VRK2: variants seen among roughly 807,000 people sequenced by gnomAD.
VRK2 encodes serine/threonine-protein kinase VRK2.
A neutral mutation model predicts 57.6 loss-of-function variants in VRK2; 60 were observed. The observed-to-expected ratio is 1.04, with a 90% CI of 0.85 to 1.29. The LOEUF is 1.29. Ranked by LOEUF, VRK2 falls within the 50% of genes most tolerant of loss-of-function variation. VRK2 has a pLI of 0.00. For missense variants in VRK2, 705 were observed against 588.1 expected, an observed-to-expected ratio of 1.20 and a Z score of -2.06; for synonymous variants, 231 against 199.2, an observed-to-expected ratio of 1.16 and a Z score of -1.35.
At chr2:58,146,496 G>GT (rs769606205) in intron 12 of VRK2, 22 bp downstream of exon 12, 96 of 1,593,014 alleles carry the variant, frequency 6.0e-5, no homozygotes, top group Non-Finnish European at 8.1e-5. Flanking sequence ...GTTTGTGTGT[G>GT]TTTTTTCTAA....
At chr2:58,121,724 GTAAA>G (rs1392048753) in intron 7 of VRK2, among the ~76,000 whole-genome samples, 1 of 152,148 alleles carries the variant, frequency 6.6e-6, no homozygotes, top group African/African-American at 2.4e-5. Flanking sequence ...AGATTGTATG[GTAAA>G]TACTCTATTG....
chr2:58,139,779 G>C lies in VRK2; in HGVS notation c.970G>C (p.Asp324His), dbSNP rs1294356946. Reference sequence around the variant, plus strand: ...TCATGGAATACCTTTAGGACCACTGGACTTTTCCACAAAAGGACAGAGTAT... The same window carrying C: ...TCATGGAATACCTTTAGGACCACTGCACTTTTCCACAAAAGGACAGAGTAT... The part of the protein sequence containing the change: ...NPHGIPLGPL[D>H]FSTKGQSINV... Residue 324 changes from aspartate to histidine, a missense_variant, in exon 11 of 13, where the codon GAC becomes CAC. Physicochemically the swap from Asp to His is moderately conservative, Grantham distance 81. Coordinates refer to ENST00000340157, the MANE Select transcript of VRK2 (RefSeq NM_006296.7). 1 of 1,612,908 alleles carries C rather than the reference G, an allele frequency of 6.2e-7. No homozygotes were observed.
chr2:57,987,393 A>C (rs940375763), intron 1 of VRK2, among the ~76,000 whole-genome samples: 1 of 152,232 alleles, frequency 6.6e-6, no homozygotes, highest in African/African-American at 2.4e-5. Context: ...GCAAATATGC[A>C]CATGAAAAGG....
intron 7 of VRK2, among the ~76,000 whole-genome samples, chr2:58,104,371 A>T (rs1674441441): frequency 6.6e-6 from 1 of 151,908 alleles, no homozygotes; most frequent in Non-Finnish European, 1.5e-5. Flanking sequence ...AAGTTTGAGG[A>T]TATAAAATCA....
intron 12 of VRK2, among the ~76,000 whole-genome samples, chr2:58,155,917 G>GTTTTTTTTT (rs1395049481): frequency 7.4e-6 from 1 of 134,390 alleles, no homozygotes. Context: ...TGTTTTTCAT[G>GTTTTTTTTT]TTTGTTTTTT....
intron 1 of VRK2, among the ~76,000 whole-genome samples, chr2:57,999,757 A>G (rs1488087306): frequency 2.0e-5 from 3 of 152,238 alleles, no homozygotes; most frequent in Non-Finnish European, 4.4e-5. Flanking sequence ...ACAAAGTTAC[A>G]TAAATCATAC....
chr2:58,038,029 C>A (rs1437610181), intron 3 of VRK2, among the ~76,000 whole-genome samples: 1 of 152,046 alleles, frequency 6.6e-6, no homozygotes, highest in Non-Finnish European at 1.5e-5. Context: ...AATATGACAC[C>A]CCAAAATATG....
chr2:58,035,285 G>A (rs1206835456), intron 3 of VRK2, among the ~76,000 whole-genome samples: 1 of 152,050 alleles, frequency 6.6e-6, no homozygotes, highest in African/African-American at 2.4e-5. Flanking sequence ...TTGGGAGCAG[G>A]GAGATAAAAA....
intron 8 of VRK2, among the ~76,000 whole-genome samples, chr2:58,125,889 T>C (rs538661921): frequency 6.6e-6 from 1 of 152,226 alleles, no homozygotes; most frequent in African/African-American, 2.4e-5. Context: ...TGTTCACTCC[T>C]ATGTTTTACA....
intron 7 of VRK2, among the ~76,000 whole-genome samples, chr2:58,120,375 G>T (rs1677291839): frequency 6.6e-6 from 1 of 151,120 alleles, no homozygotes; most frequent in South Asian, 2.1e-4. Flanking sequence ...ATTTTTAGTA[G>T]AGATGGGGTT....
intron 7 of VRK2, among the ~76,000 whole-genome samples, chr2:58,101,078 T>A (rs928788852): frequency 2.0e-5 from 3 of 151,666 alleles, no homozygotes; most frequent in Non-Finnish European, 3.0e-5. Flanking sequence ...TGGAGGGTAG[T>A]GATGGATGGA....
At chr2:58,044,276 T>C (rs577304237), upstream of VRK2, among the ~76,000 whole-genome samples, 1 of 152,338 alleles carries the variant, frequency 6.6e-6, no homozygotes, top group African/African-American at 2.4e-5. Flanking sequence ...TCAGAGACTA[T>C]CTCTTCCAAG....
chr2:58,119,314 A>G (rs1478394136), intron 7 of VRK2, among the ~76,000 whole-genome samples: 1 of 151,060 alleles, frequency 6.6e-6, no homozygotes, highest in Non-Finnish European at 1.5e-5. Context: ...CCTGGCTAAC[A>G]TGGTGAAACC....
intron 11 of VRK2, among the ~76,000 whole-genome samples, chr2:58,143,655 C>G (rs1381152252): frequency 2.6e-5 from 4 of 151,784 alleles, no homozygotes; most frequent in Non-Finnish European, 5.9e-5. Context: ...CCTAAAATGC[C>G]TAGCATATAG....
intron 2 of VRK2, among the ~76,000 whole-genome samples, chr2:58,080,425 G>C (rs907891874): frequency 4.0e-5 from 6 of 151,876 alleles, no homozygotes; most frequent in African/African-American, 1.4e-4. Context: ...TTTATTGTCT[G>C]CTTGCCTATA....
intron 12 of VRK2, among the ~76,000 whole-genome samples, chr2:58,153,269 A>G (rs1187768701): frequency 6.6e-6 from 1 of 152,018 alleles, no homozygotes; most frequent in Non-Finnish European, 1.5e-5. Flanking sequence ...AGTAATCTGA[A>G]GTATGGATAT....
chr2:57,971,147 C>A (rs905280867), intron 1 of VRK2, among the ~76,000 whole-genome samples: 5 of 151,810 alleles, frequency 3.3e-5, no homozygotes, highest in Non-Finnish European at 7.4e-5. Context: ...TCATTTATTA[C>A]AGAGAAATAA....
intron 2 of VRK2, among the ~76,000 whole-genome samples, chr2:58,057,104 T>C: frequency 6.6e-6 from 1 of 152,154 alleles, no homozygotes; most frequent in Non-Finnish European, 1.5e-5. Flanking sequence ...AGACACTACA[T>C]TATAAACTGC....
At position 58,131,891 on chromosome 2, in the gene VRK2, C is replaced by G. The variant is rs1409793489; in HGVS notation, c.760C>G (p.Leu254Val). Residue 254 changes from leucine to valine, a missense_variant, in exon 9 of 13, where the codon CTG becomes GTG. Leu to Val is a conservative substitution (Grantham distance 32). Coordinates refer to ENST00000340157, the MANE Select transcript of VRK2 (RefSeq NM_006296.7). ...TGGGAAACTTCCCTGGGAACAGAAC[C>G]TGAAGGACCCTGTGGCTGTGCAGAC... ...LCGKLPWEQN[L>V]KDPVAVQTAK... The G allele has an allele frequency of 6.2e-6, 10 of 1,614,114 alleles. No individual in the cohort carries two copies. Among genetic ancestry groups the G allele is most frequent in the Non-Finnish European group, 8.5e-6 (10 of 1,179,988 alleles).
Sources: allele counts gnomAD v4.1 joint callset (sites outside exome capture counted in the v4.1 genomes callset), GRCh38; gene constraint gnomAD v4.1.1; transcripts MANE v1.5; gene names NCBI Gene and HGNC (gene_info 2026-07-23, HGNC 2026-07-21).